The following CYP46A1 variants were observed in gnomAD, a reference collection of about 807,000 sequenced individuals.
The protein encoded by CYP46A1 is cytochrome P450 family 46 subfamily A member 1.
CYP46A1 carries 20 observed loss-of-function variants against 63.3 expected under a neutral mutation model. The observed-to-expected ratio is 0.32, with a 90% CI of 0.22 to 0.46. The LOEUF is 0.46. CYP46A1 is among the 20% of genes least tolerant of loss of function. The pLI is 1.00. For missense variants in CYP46A1, 445 were observed against 670.8 expected, an observed-to-expected ratio of 0.66 and a Z score of 3.72; for synonymous variants, 268 against 273.6, an observed-to-expected ratio of 0.98 and a Z score of 0.20.
chr14:99,719,507 C>T (rs539005408), intron 10 of CYP46A1, among the ~76,000 whole-genome samples: 2 of 152,010 alleles, frequency 1.3e-5, no homozygotes, highest in African/African-American at 2.4e-5. Flanking sequence ...CAGGTGTGAG[C>T]CACTGCTCCT....
chr14:99,701,568 A>G (rs1286974062), intron 5 of CYP46A1, among the ~76,000 whole-genome samples: 1 of 152,250 alleles, frequency 6.6e-6, no homozygotes, highest in Non-Finnish European at 1.5e-5. Context: ...CAATGAAGAC[A>G]TTCCCTAACA....
chr14:99,696,234 T>G (rs1006850576), intron 3 of CYP46A1, among the ~76,000 whole-genome samples: 1 of 152,086 alleles, frequency 6.6e-6, no homozygotes, highest in Non-Finnish European at 1.5e-5. Context: ...ATTAAGTATG[T>G]TTTAGTATTC....
Position 99,691,831 on chromosome 14 carries a change from A to G in CYP46A1, c.252A>G (p.Ser84=), listed in dbSNP as rs763781486. Residue 84 remains serine, a synonymous_variant, in exon 3 of 15, where the codon TCA becomes TCG. Coordinates refer to ENST00000261835, the MANE Select transcript of CYP46A1 (RefSeq NM_006668.2). ...VVRVNVFHKT[S]VIVTSPESVK... is the part of the protein sequence containing the mutation. The stretch of plus-strand genomic sequence containing the variant: ...GGGTCAACGTCTTCCACAAAACCTC[A>G]GTCATCGTCACGAGTCCTGAGTCGG... 1 of 1,614,182 alleles carries G rather than the reference A, an allele frequency of 6.2e-7. No homozygotes were observed. The highest frequency in any genetic ancestry group is 8.5e-7 in the Non-Finnish European group (1 of 1,180,034).
chr14:99,695,009 A>C (rs1004555235), intron 3 of CYP46A1, among the ~76,000 whole-genome samples: 1 of 152,246 alleles, frequency 6.6e-6, no homozygotes, highest in Non-Finnish European at 1.5e-5. Context: ...TTGGTTCAAA[A>C]TATTTTCTAA....
At chr14:99,726,442 C>T in intron 14 of CYP46A1, 115 bp from the exon 15 acceptor site, 1 of 1,231,442 alleles carries the variant, frequency 8.1e-7, no homozygotes, top group Admixed American at 2.9e-5. Flanking sequence ...AGGAGGCTCC[C>T]CAGGCTCTCA....
At position 99,726,853 on chromosome 14, in the gene CYP46A1, G is replaced by A. The variant is rs1036211005; in HGVS notation, c.*126G>A. ...GCCACCCTTCACGCTGGCTTCCAGC[G>A]GGCCCTCTGCCGACCGCCTGCTTCA... On this transcript the variant is annotated 3_prime_UTR_variant, in exon 15 of 15. Coordinates refer to ENST00000261835, the MANE Select transcript of CYP46A1 (RefSeq NM_006668.2). The A allele has an allele frequency of 2.1e-5, 17 of 801,176 alleles. No homozygotes were observed. The highest frequency in any genetic ancestry group is 6.6e-5 in the Admixed American group (2 of 30,342). 49.6% of individuals were successfully genotyped at this position (801,176 alleles called of 1,614,324 possible).
intron 1 of CYP46A1, 153 bp downstream of exon 1, chr14:99,684,689 T>C: frequency 1.5e-6 from 1 of 688,678 alleles, no homozygotes; most frequent in Non-Finnish European, 2.6e-6. Flanking sequence ...TAACTATTCT[T>C]AGTAACAAAT....
At chr14:99,721,133 C>G in intron 10 of CYP46A1, 106 bp from the exon 11 acceptor site, 1 of 767,204 alleles carries the variant, frequency 1.3e-6, no homozygotes, top group South Asian at 1.5e-5. Flanking sequence ...GTGGGGAGCC[C>G]CATGCGTCTC....
chr14:99,726,774 G>T lies in CYP46A1; in HGVS notation c.*47G>T, dbSNP rs144296616. On this transcript the variant is annotated 3_prime_UTR_variant, in exon 15 of 15. Coordinates refer to ENST00000261835, the MANE Select transcript of CYP46A1 (RefSeq NM_006668.2). ...GACTCCTCGGGCAAGGGCCGTGCCC[G>T]CCCACCTCTGCTGCCCACGGCCACC... 5 of 1,400,342 alleles carry T rather than the reference G, an allele frequency of 3.6e-6. No individual in the cohort carries two copies. The South Asian group carries it at 7.3e-5, about 21-fold the overall frequency. The allele number at this position is 1,400,342 out of a possible 1,614,324, so 86.7% of individuals were successfully genotyped here. A position where few individuals can be genotyped will look rare whatever the true frequency, so the allele number is the denominator to read the frequency against.
At chr14:99,705,042 G>A (rs1360195843) in intron 5 of CYP46A1, among the ~76,000 whole-genome samples, 1 of 152,220 alleles carries the variant, frequency 6.6e-6, no homozygotes, top group African/African-American at 2.4e-5. Context: ...AAGCTCAGGT[G>A]AAGATTTTCA....
In CYP46A1 at chr14:99,721,460, C is replaced by G. The variant is rs74510031; in HGVS notation, c.1065+137C>G. 2.6e-3 allele frequency: 1,766 copies of G among 673,512 alleles called. 18 individuals are homozygous for G. The African/African-American group carries it at 0.027, about 10-fold the overall frequency. 41.7% of individuals were successfully genotyped at this position (673,512 alleles called of 1,614,324 possible). On this transcript the variant is annotated intron_variant, in intron 11 of 14. Coordinates refer to ENST00000261835, the MANE Select transcript of CYP46A1 (RefSeq NM_006668.2). ...TCCTCCCCCGGAAGATTTAAAGTAT[C>G]CTGAGGCCCAGGCTGCCCCAGACTA...
chr14:99,695,542 T>C (rs945700930), intron 3 of CYP46A1: 3 of 263,842 alleles, frequency 1.1e-5, no homozygotes, highest in African/African-American at 6.9e-5. Context: ...GAAATGTTCA[T>C]CTTTATTCTT....
At chr14:99,690,633 C>T (rs2056535214) in intron 1 of CYP46A1, among the ~76,000 whole-genome samples, 1 of 152,168 alleles carries the variant, frequency 6.6e-6, no homozygotes, top group Non-Finnish European at 1.5e-5. Context: ...GCCCTGGTAC[C>T]AGCTGTGCAA....
In CYP46A1 at chr14:99,725,929, G is replaced by A. The variant is rs1049094121; in HGVS notation, c.1266-261G>A. ...GTAAATTTATGACCTGGAGTGAGTT[G>A]TTTTGCCCCTCTGAGCCTCAGTTTC... On this transcript the variant is annotated intron_variant, in intron 13 of 14. Transcript: ENST00000261835. This position sits in a 1 kb window ranked among gnomAD's most constrained non-coding sequence, Gnocchi z 4.2. Among the ~76,000 whole-genome samples the A allele has an allele frequency of 2.0e-5, 3 of 152,176 alleles. No individual in the cohort carries two copies. Among genetic ancestry groups the A allele is most frequent in the African/African-American group, 7.2e-5 (3 of 41,438 alleles).
At chr14:99,726,338 C>A in intron 14 of CYP46A1, 82 bp downstream of exon 14, 2 of 1,470,650 alleles carry the variant, frequency 1.4e-6, no homozygotes, top group East Asian at 2.4e-5. Context: ...CATCTCCGAA[C>A]CCCTGCTCTG....
intron 2 of CYP46A1, chr14:99,691,455 C>T: frequency 1.8e-6 from 1 of 568,418 alleles, no homozygotes; most frequent in Non-Finnish European, 3.1e-6. Context: ...TTTGGTGTGT[C>T]ACTTTTTTAC....
intron 7 of CYP46A1, chr14:99,713,586 T>C (rs936232482): frequency 6.6e-6 from 1 of 151,378 alleles, no homozygotes; most frequent in Non-Finnish European, 1.5e-5. Context: ...ACAACGAAAA[T>C]AGACAAACGT....
chr14:99,726,414 C>T (rs564053400), intron 14 of CYP46A1, 143 bp from the exon 15 acceptor site: 556 of 1,156,486 alleles, frequency 4.8e-4, no homozygotes, highest in African/African-American at 3.7e-3. Context: ...GTGTTTTGCA[C>T]GGAGGAGAGC....
chr14:99,694,464 T>G (rs2140115809), intron 3 of CYP46A1, among the ~76,000 whole-genome samples: 1 of 151,700 alleles, frequency 6.6e-6, no homozygotes, highest in Non-Finnish European at 1.5e-5. Flanking sequence ...TTGGTTTCCT[T>G]CATTGTTTGT....
Sources: allele counts gnomAD v4.1 joint callset (sites outside exome capture counted in the v4.1 genomes callset), GRCh38; gene constraint gnomAD v4.1.1; non-coding constraint Gnocchi (gnomAD v3.1); transcripts MANE v1.5; gene names NCBI Gene and HGNC (gene_info 2026-07-23, HGNC 2026-07-21).